The following TFAP4 variants were observed in gnomAD, a reference collection of about 807,000 sequenced individuals.
The protein encoded by TFAP4 is transcription factor AP-4.
Under a neutral mutation model 40.4 loss-of-function variants are expected in TFAP4, and 7 were observed. The observed-to-expected ratio is 0.17, with a 90% CI of 0.10 to 0.33. The LOEUF (loss-of-function observed/expected upper bound fraction) is 0.33. Ranked by LOEUF, TFAP4 falls within the 10% of genes least tolerant of loss-of-function variation. TFAP4 has a pLI of 1.00. For synonymous variants in TFAP4, 218 were observed against 181.4 expected, an observed-to-expected ratio of 1.20 and a Z score of -1.62; for missense variants, 374 against 451.1, an observed-to-expected ratio of 0.83 and a Z score of 1.55.
intron 6 of TFAP4, among the ~76,000 whole-genome samples, chr16:4,259,537 G>C (rs927169278): frequency 1.3e-5 from 2 of 152,150 alleles, no homozygotes; most frequent in African/African-American, 4.8e-5. Context: ...AAAATTCGAG[G>C]AGATTGATGG....
intron 1 of TFAP4, among the ~76,000 whole-genome samples, chr16:4,268,715 C>T (rs1392956561): frequency 4.6e-5 from 7 of 152,068 alleles, no homozygotes; most frequent in African/African-American, 1.7e-4. Flanking sequence ...CCTCAGCCTC[C>T]CAAGCAACTG....
intron 1 of TFAP4, chr16:4,266,541 A>C (rs1478155317): frequency 6.6e-6 from 1 of 152,214 alleles, no homozygotes; most frequent in East Asian, 1.9e-4. Context: ...GGAGCTAACC[A>C]GGGGTTGTGA....
intron 1 of TFAP4, among the ~76,000 whole-genome samples, chr16:4,272,436 CG>C (rs1224676053): frequency 1.3e-5 from 2 of 152,070 alleles, no homozygotes; most frequent in Admixed American, 1.3e-4. Flanking sequence ...CCGCCTGCAG[CG>C]GACAAAAGTG....
chr16:4,263,510 C>G (rs187354458), intron 1 of TFAP4: 17 of 152,468 alleles, frequency 1.1e-4, no homozygotes, highest in African/African-American at 4.1e-4. Context: ...CACTCCCTTC[C>G]TACCCTCACG....
chr16:4,260,155 T>C lies in TFAP4; in HGVS notation c.757A>G (p.Met253Val). ...GAGTTGATGACCGAGGAGGGGCCCA[T>C]GGTGACGACATTGATGTGGTGGGAG... ...PPSHHINVVT[M>V]GPSSVINSVS... The change falls in exon 6 of 7, where the codon ATG becomes GTG. Residue 253 changes from methionine to valine, a missense_variant. Physicochemically the swap from Met to Val is conservative, Grantham distance 21. This residue lies in a region of TFAP4 where 161 missense variants were observed against 154.2 expected (regional missense o/e 1.04). Coordinates refer to ENST00000204517, the MANE Select transcript of TFAP4 (RefSeq NM_003223.3). The C allele has an allele frequency of 6.8e-7, 1 of 1,462,404 alleles. No individual in the cohort carries two copies. Among genetic ancestry groups the C allele is most frequent in the Non-Finnish European group, 9.1e-7 (1 of 1,094,826 alleles). 90.6% of individuals were successfully genotyped at this position (1,462,404 alleles called of 1,614,324 possible). A position where few individuals can be genotyped will look rare whatever the true frequency, so the allele number is the denominator to read the frequency against.
chr16:4,263,161 G>T, intron 1 of TFAP4: 1 of 164,642 alleles, frequency 6.1e-6, no homozygotes, highest in Non-Finnish European at 1.3e-5. Context: ...AACAGAGCAA[G>T]ACCTTGTCTC....
At chr16:4,263,307 G>C (rs73503284) in intron 1 of TFAP4, 1 of 152,702 alleles carries the variant, frequency 6.5e-6, no homozygotes, top group Non-Finnish European at 1.5e-5. Context: ...ACGGGTGCTG[G>C]CCCCAGCGTC....
chr16:4,257,821 C>A lies in TFAP4; in HGVS notation c.*234G>T. ...CTTCCTCCAGCCCCCGGGGCCGAGG[C>A]CCCGCCCTGGGGTGCCGATGCTCCC... On this transcript the variant is annotated 3_prime_UTR_variant, in exon 7 of 7. Coordinates refer to ENST00000204517, the MANE Select transcript of TFAP4 (RefSeq NM_003223.3). 1 of 432,742 alleles carries A rather than the reference C, an allele frequency of 2.3e-6. No homozygotes were observed. Among genetic ancestry groups the A allele is most frequent in the East Asian group, 3.8e-5 (1 of 26,556 alleles). The allele number at this position is 432,742 out of a possible 1,614,324, so 26.8% of individuals were successfully genotyped here.
intron 1 of TFAP4, among the ~76,000 whole-genome samples, chr16:4,267,426 G>A (rs891644771): frequency 6.6e-6 from 1 of 152,258 alleles, no homozygotes; most frequent in Non-Finnish European, 1.5e-5. Context: ...AGCAGCCAAT[G>A]GCCAAGGAAC....
chr16:4,265,561 G>T (rs1470245647), intron 1 of TFAP4: 1 of 118,354 alleles, frequency 8.4e-6, no homozygotes, highest in Non-Finnish European at 1.6e-5. Context: ...AGTGAGCTGT[G>T]ATCATGTCAC....
chr16:4,260,324 ATG>A, intron 5 of TFAP4, 79 bp from the exon 6 acceptor site: 3 of 1,508,336 alleles, frequency 2.0e-6, no homozygotes, highest in Non-Finnish European at 2.6e-6. Context: ...GAGCTGGCCA[ATG>A]TATAACTGCC....
rs922177701 is a variant in TFAP4, at chr16:4,257,978, C to T, written c.*77G>A. 4.3e-6 allele frequency: 6 copies of T among 1,396,784 alleles called. No homozygotes were observed. Among genetic ancestry groups the T allele is most frequent in the African/African-American group, 2.9e-5 (2 of 69,132 alleles). 86.5% of individuals were successfully genotyped at this position (1,396,784 alleles called of 1,614,324 possible). On this transcript the variant is annotated 3_prime_UTR_variant, in exon 7 of 7. Transcript: ENST00000204517. ...CGTAATTTTGTAAAAATTTCTCACTCATTCGCCCATGTCTCTCCCTGTGGC... is the reference window on the plus strand; with the variant it reads ...CGTAATTTTGTAAAAATTTCTCACTTATTCGCCCATGTCTCTCCCTGTGGC...
chr16:4,262,028 C>T, intron 3 of TFAP4, 79 bp from the exon 4 acceptor site: 2 of 1,421,076 alleles, frequency 1.4e-6, no homozygotes, highest in East Asian at 2.4e-5. Flanking sequence ...CGCAGCCCCC[C>T]AAAGCTGCCC....
At chr16:4,260,027 C>A (rs1181031961) in intron 6 of TFAP4, 63 bp downstream of exon 6, 1 of 1,545,130 alleles carries the variant, frequency 6.5e-7, no homozygotes, top group Non-Finnish European at 8.8e-7. Context: ...TTCCAGTCTC[C>A]CCTAAAGAGC....
chr16:4,265,026 T>C (rs1042428831), intron 1 of TFAP4: 1 of 151,850 alleles, frequency 6.6e-6, no homozygotes, highest in African/African-American at 2.4e-5. Context: ...AAGTCCAGCC[T>C]TGGGCCACCT....
intron 1 of TFAP4, among the ~76,000 whole-genome samples, chr16:4,269,089 T>C (rs534515440): frequency 2.0e-5 from 3 of 152,082 alleles, no homozygotes; most frequent in Non-Finnish European, 2.9e-5. Context: ...GGTCTTGCTA[T>C]GTTGCCCAGG....
chr16:4,262,880 A>G, intron 1 of TFAP4, 179 bp from the exon 2 acceptor site: 1 of 680,908 alleles, frequency 1.5e-6, no homozygotes, highest in Non-Finnish European at 2.5e-6. Flanking sequence ...GGCTGCGGGT[A>G]AGATAGTCCG....
intron 1 of TFAP4, among the ~76,000 whole-genome samples, chr16:4,271,939 G>T (rs1424219867): frequency 6.6e-6 from 1 of 152,174 alleles, no homozygotes; most frequent in African/African-American, 2.4e-5. Flanking sequence ...GAGGCCGCGC[G>T]CAGAGGTCCG....
At chr16:4,272,593 C>T in intron 1 of TFAP4, 65 bp downstream of exon 1, 1 of 1,361,166 alleles carries the variant, frequency 7.3e-7, no homozygotes, top group Non-Finnish European at 9.9e-7. Context: ...CACGCGCGCC[C>T]GCCCGGGCGG....
Sources: gnomAD v4.1 joint callset for allele counts (sites outside exome capture counted in the v4.1 genomes callset) on GRCh38, gnomAD v4.1.1 for gene constraint, gnomAD v4.1.1 regional missense constraint, MANE v1.5 for transcripts, NCBI Gene and HGNC (gene_info 2026-07-23, HGNC 2026-07-21) for gene names.